The following HMGB1 variants were observed in gnomAD, a reference collection of about 807,000 sequenced individuals.
The protein encoded by HMGB1 is high mobility group box 1, also known as high mobility group protein B1.
For missense variants in HMGB1, 79 were observed against 253.5 expected (o/e 0.31, Z 4.67); for synonymous variants, 81 against 84.0 (o/e 0.96, Z 0.19).
chr13:30,615,715 GT>G lies in HMGB1; in HGVS notation c.-15+955del, dbSNP rs137945788. On this transcript the variant is annotated intron_variant, in intron 1 of 4. Coordinates refer to the HMGB1 transcript ENST00000405805. Reference sequence around the variant, plus strand: ...ATAGCAAGTAGCTTTTATATCCCAGGTTTGGGCCAAAGACTTGTATTGTGGT... The same window carrying G: ...ATAGCAAGTAGCTTTTATATCCCAGGTTGGGCCAAAGACTTGTATTGTGGT... Among the ~76,000 whole-genome samples the G allele has an allele frequency of 9.8e-3, 1,486 of 152,218 alleles. 30 individuals are homozygous for G. The highest frequency in any genetic ancestry group is 0.034 in the African/African-American group (1,414 of 41,530).
intron 1 of HMGB1, among the ~76,000 whole-genome samples, chr13:30,538,457 T>TCTTTCTTC (rs1868558859): frequency 4.3e-5 from 3 of 70,086 alleles, no homozygotes; most frequent in African/African-American, 2.6e-4. Context: ...AGCAATTCTT[T>TCTTTCTTC]CTTTCTTTCT....
In HMGB1 at chr13:30,538,544, T is replaced by TCTTTC. The variant is rs1555238795; in HGVS notation, c.-14-74855_-14-74851dup. Among the ~76,000 whole-genome samples the TCTTTC allele has an allele frequency of 6.2e-3, 782 of 127,144 alleles. 75 individuals are homozygous for TCTTTC. Among genetic ancestry groups the TCTTTC allele is most frequent in the African/African-American group, 0.032 (737 of 22,952 alleles). 83.4% of individuals were successfully genotyped at this position (127,144 alleles called of 152,430 possible). ...CTTTCCTTTCTTTCTTTCCTTTCTT[T>TCTTTC]CTTTCTTTCTTTTTCTTTCTTCTTT... On this transcript the variant is annotated intron_variant, in intron 1 of 4. Coordinates refer to the HMGB1 transcript ENST00000405805.
chr13:30,576,040 A>G (rs1448279624), intron 1 of HMGB1, among the ~76,000 whole-genome samples: 2 of 152,174 alleles, frequency 1.3e-5, no homozygotes, highest in Admixed American at 6.5e-5. Flanking sequence ...ATCACCATCA[A>G]GGCCAACATT....
chr13:30,544,237 C>T (rs1869041368), intron 1 of HMGB1, among the ~76,000 whole-genome samples: 1 of 152,250 alleles, frequency 6.6e-6, no homozygotes, highest in African/African-American at 2.4e-5. Flanking sequence ...TAGTGGGAGC[C>T]TTCCAGTGAT....
intron 1 of HMGB1, among the ~76,000 whole-genome samples, chr13:30,526,168 C>T (rs868760305): frequency 2.0e-5 from 3 of 152,114 alleles, no homozygotes; most frequent in African/African-American, 7.2e-5. Flanking sequence ...GTGATTCTCA[C>T]GCCTCAGTCT....
intron 1 of HMGB1, chr13:30,464,520 G>A (rs976856708): frequency 5.1e-6 from 5 of 984,682 alleles, no homozygotes; most frequent in Non-Finnish European, 4.8e-6. Flanking sequence ...CGAGGAGAGA[G>A]GACGCGGCCC....
At chr13:30,538,384 A>G (rs1254545215) in intron 1 of HMGB1, among the ~76,000 whole-genome samples, 1 of 152,208 alleles carries the variant, frequency 6.6e-6, no homozygotes, top group Admixed American at 6.5e-5. Flanking sequence ...GCTGGTTTCT[A>G]CTTGTCTGAG....
chr13:30,608,601 CTT>C (rs1483696483), intron 1 of HMGB1, among the ~76,000 whole-genome samples: 1 of 152,196 alleles, frequency 6.6e-6, no homozygotes, highest in African/African-American at 2.4e-5. Flanking sequence ...AACTTCCTCT[CTT>C]CTTTCCATTT....
intron 1 of HMGB1, among the ~76,000 whole-genome samples, chr13:30,520,855 A>C (rs1450079169): frequency 1.3e-5 from 2 of 152,156 alleles, no homozygotes; most frequent in African/African-American, 4.8e-5. Flanking sequence ...TTCCTGCTTG[A>C]AGATTATTGG....
chr13:30,579,920 G>C (rs1018664264), intron 1 of HMGB1, among the ~76,000 whole-genome samples: 1 of 152,084 alleles, frequency 6.6e-6, no homozygotes, highest in Admixed American at 6.6e-5. Flanking sequence ...AATGAATGAA[G>C]ACTTATTTAC....
intron 1 of HMGB1, among the ~76,000 whole-genome samples, chr13:30,474,992 C>T (rs1395303461): frequency 1.1e-5 from 1 of 95,072 alleles, no homozygotes; most frequent in South Asian, 4.1e-4. Context: ...GAGACAGGGT[C>T]TCCCTTAGGC....
chr13:30,522,736 C>CTTT (rs11402797), intron 1 of HMGB1, among the ~76,000 whole-genome samples: 1 of 146,730 alleles, frequency 6.8e-6, no homozygotes, highest in Non-Finnish European at 1.5e-5. Flanking sequence ...GTCTAAAAGT[C>CTTT]TTTTTTTTTT....
chr13:30,485,125 G>A (rs1030972592), intron 1 of HMGB1, among the ~76,000 whole-genome samples: 5 of 147,412 alleles, frequency 3.4e-5, no homozygotes, highest in Non-Finnish European at 5.9e-5. Flanking sequence ...CCCACCTCCC[G>A]GGTTCAAGTG....
intron 1 of HMGB1, among the ~76,000 whole-genome samples, chr13:30,473,486 CAAT>C (rs1170651608): frequency 6.6e-6 from 1 of 152,172 alleles, no homozygotes; most frequent in Admixed American, 6.5e-5. Context: ...GTCTTGATCT[CAAT>C]AATCACATCA....
intron 1 of HMGB1, among the ~76,000 whole-genome samples, chr13:30,473,109 G>A (rs930427329): frequency 1.3e-5 from 2 of 152,092 alleles, no homozygotes; most frequent in Non-Finnish European, 2.9e-5. Context: ...AAAGACCAGA[G>A]GCGAAAGAGA....
At chr13:30,503,724 G>A (rs1014291957) in intron 1 of HMGB1, among the ~76,000 whole-genome samples, 7 of 143,858 alleles carry the variant, frequency 4.9e-5, no homozygotes, top group Admixed American at 3.8e-4. Context: ...AAGACTGTCC[G>A]AGCTCAAAGA....
chr13:30,523,751 G>T (rs9315020), intron 1 of HMGB1, among the ~76,000 whole-genome samples: 114,183 of 147,704 alleles, frequency 0.77, 44,764 homozygotes, highest in Non-Finnish European at 0.84. Context: ...CTTTTTTTTT[G>T]TTTGTTTGAG....
chr13:30,477,282 AT>A (rs149868174), intron 1 of HMGB1, among the ~76,000 whole-genome samples: 29,197 of 151,490 alleles, frequency 0.19, 3,180 homozygotes, highest in African/African-American at 0.31. Context: ...ATGGACTCCG[AT>A]TTTTTTTTCC....
chr13:30,463,843 G>A (rs1268455394), intron 1 of HMGB1, 149 bp from the exon 2 acceptor site: 4 of 588,124 alleles, frequency 6.8e-6, no homozygotes, highest in Admixed American at 3.3e-5. Flanking sequence ...GAATATGGCC[G>A]AGAGATTAAA....
Sources: gnomAD v4.1 joint callset for allele counts (sites outside exome capture counted in the v4.1 genomes callset) on GRCh38, gnomAD v4.1.1 for gene constraint, MANE v1.5 for transcripts, NCBI Gene and HGNC (gene_info 2026-07-23, HGNC 2026-07-21) for gene names.